Variants in ATP8A1 observed in about 807,000 individuals in gnomAD.
ATP8A1 encodes the protein phospholipid-transporting ATPase IA.
ATP8A1 carries 90 observed loss-of-function variants against 177.7 expected under a neutral mutation model. The observed-to-expected ratio is 0.51, with a 90% CI of 0.43 to 0.60. ATP8A1 has a LOEUF of 0.60. Among genes scored for constraint, ATP8A1 ranks in the 20% least tolerant of loss-of-function variants. The pLI is 0.00. For missense variants in ATP8A1, 1,072 were observed against 1,392.8 expected (o/e 0.77, Z 3.67); for synonymous variants, 493 against 485.9 (o/e 1.01, Z -0.19).
At chr4:42,495,175 T>C (rs1030391654) in intron 24 of ATP8A1, among the ~76,000 whole-genome samples, 8 of 152,358 alleles carry the variant, frequency 5.3e-5, no homozygotes, top group Non-Finnish European at 8.8e-5. Context: ...ATTCTGTCTC[T>C]ACTCTTACAC....
rs536744509 is a variant in ATP8A1, at chr4:42,504,690, C to T, written c.2087-1176G>A. On this transcript the variant is annotated intron_variant, in intron 23 of 36. Coordinates refer to ENST00000381668, the MANE Select transcript of ATP8A1 (RefSeq NM_006095.2). ...GTCTCCCTGATTCTACACTTGCTTCCCTCTGAGTCCATTTTCAGCCTAGCA... is the reference window on the plus strand; with the variant it reads ...GTCTCCCTGATTCTACACTTGCTTCTCTCTGAGTCCATTTTCAGCCTAGCA... Among the ~76,000 whole-genome samples the T allele has an allele frequency of 2.0e-5, 3 of 152,336 alleles. No homozygotes were observed. In the South Asian group the frequency reaches 6.2e-4, roughly 32 times the overall value.
At chr4:42,580,579 A>G (rs1444132043) in intron 10 of ATP8A1, among the ~76,000 whole-genome samples, 2 of 152,266 alleles carry the variant, frequency 1.3e-5, no homozygotes, top group East Asian at 3.8e-4. Context: ...AAAAATCCAT[A>G]GAACAGAAAA....
rs77385112 is a variant in ATP8A1, at chr4:42,641,572, C to T, written c.50-14463G>A. On this transcript the variant is annotated intron_variant, in intron 1 of 36. Coordinates refer to ENST00000381668, the MANE Select transcript of ATP8A1 (RefSeq NM_006095.2). ...GATACAGTGCAGGGCGCAAGTTTTC[C>T]GCATTTTGTACATGGAAAAGAGTAT... Among the ~76,000 whole-genome samples the T allele has an allele frequency of 7.6e-3, 1,151 of 151,986 alleles. 11 individuals are homozygous for T. Among genetic ancestry groups the T allele is most frequent in the Non-Finnish European group, 8.4e-3 (571 of 67,984 alleles).
At chr4:42,414,585 T>A (rs1231354867) in intron 36 of ATP8A1, 42 bp downstream of exon 36, 1 of 1,496,342 alleles carries the variant, frequency 6.7e-7, no homozygotes, top group South Asian at 1.1e-5. Context: ...GATACAGCAA[T>A]GGCAGAGAAT....
intron 4 of ATP8A1, among the ~76,000 whole-genome samples, chr4:42,616,384 T>C (rs766329264): frequency 2.6e-5 from 4 of 152,252 alleles, no homozygotes; most frequent in South Asian, 2.1e-4. Flanking sequence ...AAAATTTTAA[T>C]GTACTAGAAA....
intron 5 of ATP8A1, among the ~76,000 whole-genome samples, chr4:42,610,522 CA>C (rs1202064415): frequency 1.3e-5 from 2 of 151,398 alleles, no homozygotes; most frequent in Non-Finnish European, 2.9e-5. Context: ...GCCATAAAAT[CA>C]GTCCTCTCAC....
chr4:42,431,436 T>C (rs548880692), intron 33 of ATP8A1, among the ~76,000 whole-genome samples: 47 of 152,338 alleles, frequency 3.1e-4, no homozygotes, highest in Non-Finnish European at 5.0e-4. Context: ...ATTCAACTTT[T>C]AAAATATTTC....
chr4:42,430,429 G>A (rs1326011114), intron 33 of ATP8A1, among the ~76,000 whole-genome samples: 1 of 151,602 alleles, frequency 6.6e-6, no homozygotes, highest in Non-Finnish European at 1.5e-5. Flanking sequence ...TTGTCTCATG[G>A]CCCTGGGTGT....
chr4:42,619,186 G>A (rs891512693), intron 4 of ATP8A1, among the ~76,000 whole-genome samples: 1 of 151,846 alleles, frequency 6.6e-6, no homozygotes, highest in Non-Finnish European at 1.5e-5. Flanking sequence ...GATTAGTGTC[G>A]ATCTCTTCTA....
chr4:42,450,817 T>G (rs1160581224), intron 30 of ATP8A1, among the ~76,000 whole-genome samples: 1 of 152,162 alleles, frequency 6.6e-6, no homozygotes, highest in Non-Finnish European at 1.5e-5. Flanking sequence ...TACCTGCCCA[T>G]CTGAAGCTTC....
chr4:42,435,426 C>CAAAAAAAAAAAAAAAAAAAAAAAAAA (rs55945370), intron 33 of ATP8A1, among the ~76,000 whole-genome samples: 2 of 93,988 alleles, frequency 2.1e-5, no homozygotes, highest in African/African-American at 3.7e-5. Context: ...GACTTCATCT[C>CAAAAAAAAAAAAAAAAAAAAAAAAAA]AAAAAAAAAA....
chr4:42,566,935 T>TGCA (rs1342530404), intron 15 of ATP8A1, among the ~76,000 whole-genome samples: 1 of 152,252 alleles, frequency 6.6e-6, no homozygotes, highest in Non-Finnish European at 1.5e-5. Flanking sequence ...GCTGACTATG[T>TGCA]GCAGACACTA....
At chr4:42,625,378 C>G (rs6844349) in intron 3 of ATP8A1, 78,809 of 324,372 alleles carry the variant, frequency 0.24, 10,798 homozygotes, top group Non-Finnish European at 0.29. Flanking sequence ...CCTTTACCAC[C>G]CAAAATGAAC....
At chr4:42,413,779 TAGAA>T (rs1712902122) in intron 36 of ATP8A1, among the ~76,000 whole-genome samples, 1 of 152,224 alleles carries the variant, frequency 6.6e-6, no homozygotes, top group Non-Finnish European at 1.5e-5. Context: ...AACCCACTGA[TAGAA>T]AGGGCCAACT....
At chr4:42,512,498 T>G (rs1578081733) in intron 22 of ATP8A1, among the ~76,000 whole-genome samples, 1 of 152,200 alleles carries the variant, frequency 6.6e-6, no homozygotes, top group African/African-American at 2.4e-5. Flanking sequence ...GGGCAGGTAC[T>G]TGTGCCGGGG....
At chr4:42,645,032 C>G (rs1315067294) in intron 1 of ATP8A1, among the ~76,000 whole-genome samples, 1 of 152,038 alleles carries the variant, frequency 6.6e-6, no homozygotes, top group African/African-American at 2.4e-5. Context: ...TAAAAGCAAG[C>G]AGGTTACCAA....
rs748819525 is a variant in ATP8A1, at chr4:42,464,729, T to C, written c.2580A>G (p.Leu860=). 6.2e-7 allele frequency: 1 copy of C among 1,612,932 alleles called. No individual in the cohort carries two copies. The highest frequency in any genetic ancestry group is 1.3e-5 in the African/African-American group (1 of 74,916). The change falls in exon 27 of 37, where the codon TTA becomes TTG. Residue 860 remains leucine (L), a synonymous_variant. Coordinates refer to ENST00000381668, the MANE Select transcript of ATP8A1 (RefSeq NM_006095.2). ...GCACTATATTCTTGTAGAAGCAGTA[T>C]AAGATGCACTTGGAGACTCTGTTAT... ...WNYNRVSKCI[L]YCFYKNIVLY...
At chr4:42,426,838 T>C (rs528469939) in intron 33 of ATP8A1, among the ~76,000 whole-genome samples, 8 of 152,212 alleles carry the variant, frequency 5.3e-5, no homozygotes, top group African/African-American at 9.6e-5. Flanking sequence ...TGATGAAACA[T>C]AGGCCAAAGT....
At chr4:42,502,085 C>T (rs1021035267) in intron 24 of ATP8A1, among the ~76,000 whole-genome samples, 4 of 151,608 alleles carry the variant, frequency 2.6e-5, no homozygotes, top group African/African-American at 9.7e-5. Flanking sequence ...TTAAAAATTA[C>T]TCAGTGACTC....
Sources: gnomAD v4.1 joint callset for allele counts (sites outside exome capture counted in the v4.1 genomes callset) on GRCh38, gnomAD v4.1.1 for gene constraint, MANE v1.5 for transcripts, NCBI Gene and HGNC (gene_info 2026-07-23, HGNC 2026-07-21) for gene names.